The following ST18 variants were observed in gnomAD, a reference collection of about 807,000 sequenced individuals.
The protein encoded by ST18 is ST18 C2H2C-type zinc finger transcription factor, also known as suppression of tumorigenicity 18 protein.
ST18 carries 50 observed loss-of-function variants against 110.0 expected under a neutral mutation model. The observed-to-expected ratio is 0.45, with a 90% CI of 0.36 to 0.58. The LOEUF (loss-of-function observed/expected upper bound fraction) is 0.58, where lower values mean the gene tolerates loss of function less well. Among genes scored for constraint, ST18 ranks in the 20% least tolerant of loss-of-function variants. ST18 has a pLI of 0.00. For synonymous variants in ST18, 461 were observed against 452.4 expected (o/e 1.02, Z -0.24); for missense variants, 1,306 against 1,280.1 (o/e 1.02, Z -0.31).
intron 2 of ST18, among the ~76,000 whole-genome samples, chr8:52,383,404 C>G (rs1189942760): frequency 2.0e-5 from 3 of 152,058 alleles, no homozygotes. Flanking sequence ...GGTGGTAGCC[C>G]TCACCTTGAT....
intron 15 of ST18, among the ~76,000 whole-genome samples, chr8:52,151,342 T>C (rs1197792349): frequency 1.3e-5 from 2 of 152,214 alleles, no homozygotes; most frequent in Non-Finnish European, 2.9e-5. Context: ...ATGAGATAGA[T>C]ATGCTTTACT....
At chr8:52,335,136 C>G (rs1208238075) in intron 2 of ST18, among the ~76,000 whole-genome samples, 1 of 152,172 alleles carries the variant, frequency 6.6e-6, no homozygotes, top group African/African-American at 2.4e-5. Context: ...AATCAGCTAT[C>G]TTATGACTTC....
intron 19 of ST18, among the ~76,000 whole-genome samples, chr8:52,134,657 G>A (rs571240973): frequency 7.3e-5 from 11 of 151,264 alleles, no homozygotes; most frequent in African/African-American, 2.4e-4. Context: ...CATCTCTTCT[G>A]GCTAACCAGA....
At chr8:52,136,907 C>T (rs1042108818) in intron 18 of ST18, among the ~76,000 whole-genome samples, 2 of 152,174 alleles carry the variant, frequency 1.3e-5, no homozygotes, top group Non-Finnish European at 2.9e-5. Context: ...CCCCCCAACT[C>T]TAAAGCTCAG....
intron 2 of ST18, among the ~76,000 whole-genome samples, chr8:52,368,759 G>A (rs946300669): frequency 6.6e-6 from 1 of 151,974 alleles, no homozygotes; most frequent in African/African-American, 2.4e-5. Context: ...AAAAATAGTG[G>A]GCAACAACTG....
intron 2 of ST18, among the ~76,000 whole-genome samples, chr8:52,330,927 G>A (rs1387373016): frequency 6.6e-6 from 1 of 152,220 alleles, no homozygotes; most frequent in Non-Finnish European, 1.5e-5. Flanking sequence ...GAGAGCCACA[G>A]AGACAGAGAG....
At chr8:52,349,129 G>T (rs923110209) in intron 2 of ST18, among the ~76,000 whole-genome samples, 1 of 152,056 alleles carries the variant, frequency 6.6e-6, no homozygotes, top group Non-Finnish European at 1.5e-5. Flanking sequence ...TAAATCTGGA[G>T]ATCACAAAGT....
At chr8:52,367,805 A>C (rs146921888) in intron 2 of ST18, among the ~76,000 whole-genome samples, 91 of 152,240 alleles carry the variant, frequency 6.0e-4, no homozygotes, top group Admixed American at 9.8e-4. Context: ...GTAGCCCCTG[A>C]TCACCTTCCA....
At chr8:52,214,335 G>T (rs2083340866) in intron 6 of ST18, 78 bp from the exon 7 acceptor site, 9 of 1,495,306 alleles carry the variant, frequency 6.0e-6, no homozygotes, top group Non-Finnish European at 6.5e-6. Flanking sequence ...TAGAAGTTCT[G>T]AAGGTCATTA....
chr8:52,396,896 C>T (rs1012894876), intron 2 of ST18, among the ~76,000 whole-genome samples: 4 of 152,172 alleles, frequency 2.6e-5, no homozygotes, highest in African/African-American at 7.2e-5. Context: ...TGAACACTTA[C>T]GTTGTTTCCA....
In ST18 at chr8:52,332,142, A is replaced by G. The variant is rs1809777153; in HGVS notation, c.-465+77186T>C. ...TTTGCCATTATAAGTATAACCACTC[A>G]TTGTTACCAGTTATATATTAAATAT... On this transcript the variant is annotated intron_variant, in intron 2 of 25. Coordinates refer to ENST00000689386, the MANE Select transcript of ST18 (RefSeq NM_001352837.2). 2.0e-5 allele frequency among the ~76,000 whole-genome samples: 3 copies of G among 152,120 alleles called. No individual in the cohort carries two copies. The South Asian group carries it at 6.2e-4, about 31-fold the overall frequency.
rs185373172 is a variant in ST18 at position 52,246,509 on chromosome 8, C to T, written c.-464-16432G>A. ...AAATTTTTAGGTATGCTTTTGATAG[C>T]TACTAATAAAACTCTGCATAATAAG... On this transcript the variant is annotated intron_variant, in intron 2 of 25. Transcript: ENST00000689386. The T allele has an allele frequency of 1.1e-4, 17 of 152,130 alleles. No homozygotes were observed. In the East Asian group the frequency reaches 3.1e-3, roughly 28 times the overall value. The allele number at this position is 152,130 out of a possible 1,614,324, so 9.4% of individuals were successfully genotyped here. A position where few individuals can be genotyped will look rare whatever the true frequency, so the allele number is the denominator to read the frequency against.
chr8:52,335,965 T>C (rs190877675), intron 2 of ST18, among the ~76,000 whole-genome samples: 114 of 152,146 alleles, frequency 7.5e-4, no homozygotes, highest in African/African-American at 2.6e-3. Flanking sequence ...GTGGCCCCCA[T>C]CTGTCTCCCC....
chr8:52,137,095 T>A (rs2052732408), intron 18 of ST18, among the ~76,000 whole-genome samples: 1 of 152,174 alleles, frequency 6.6e-6, no homozygotes, highest in Non-Finnish European at 1.5e-5. Context: ...GGATTGAGGG[T>A]ATTACTTTTC....
At chr8:52,306,265 C>T (rs2095811176) in intron 2 of ST18, among the ~76,000 whole-genome samples, 1 of 152,190 alleles carries the variant, frequency 6.6e-6, no homozygotes, top group South Asian at 2.1e-4. Context: ...TGAGGATCCT[C>T]CCTAGAATGA....
chr8:52,175,065 G>A (rs1401535163), intron 9 of ST18, among the ~76,000 whole-genome samples: 2 of 152,136 alleles, frequency 1.3e-5, no homozygotes, highest in African/African-American at 4.8e-5. Flanking sequence ...ACCTAAGCTT[G>A]AGTTCTGATC....
At chr8:52,344,565 T>G (rs892654511) in intron 2 of ST18, among the ~76,000 whole-genome samples, 3 of 152,008 alleles carry the variant, frequency 2.0e-5, no homozygotes, top group African/African-American at 7.2e-5. Flanking sequence ...CTCGCTCCAC[T>G]AATTTTTGTA....
At chr8:52,201,074 A>AGT (rs1203585254) in intron 8 of ST18, 5 of 152,438 alleles carry the variant, frequency 3.3e-5, no homozygotes, top group African/African-American at 9.6e-5. Context: ...TGGGGAATCC[A>AGT]GTGTCAGAGA....
intron 2 of ST18, among the ~76,000 whole-genome samples, chr8:52,352,602 G>T (rs1022395864): frequency 6.6e-6 from 1 of 152,166 alleles, no homozygotes; most frequent in Non-Finnish European, 1.5e-5. Context: ...ATAGACATAA[G>T]GTGTGTGAGA....
Sources: allele counts gnomAD v4.1 joint callset (sites outside exome capture counted in the v4.1 genomes callset), GRCh38; gene constraint gnomAD v4.1.1; transcripts MANE v1.5; gene names NCBI Gene and HGNC (gene_info 2026-07-23, HGNC 2026-07-21).